The following ATXN8OS variants were observed in gnomAD, a reference collection of about 807,000 sequenced individuals.
ATXN8OS encodes the protein ATXN8 opposite strand (non-protein coding).
At chr13:70,112,920 A>ATATATATATATT (rs1555298511) in intron 1 of ATXN8OS, among the ~76,000 whole-genome samples, 14 of 87,588 alleles carry the variant, frequency 1.6e-4, no homozygotes, top group East Asian at 4.1e-4. Context: ...TATATATATA[A>ATATATATATATT]TTTTTTTTTT....
At chr13:70,112,640 C>T (rs1243194017) in intron 1 of ATXN8OS, among the ~76,000 whole-genome samples, 1 of 151,922 alleles carries the variant, frequency 6.6e-6, no homozygotes, top group Non-Finnish European at 1.5e-5. Flanking sequence ...CACTCAACCT[C>T]CTTGGTTTAT....
rs559225854 is a variant in ATXN8OS at position 70,137,608 on chromosome 13, A to C, written n.499+7724A>C. ...TATTATAGATAATTTACATTTCTAA[A>C]TGCATCTCTAATTCCAAAATGAAGA... On this transcript the variant is annotated intron_variant and non_coding_transcript_variant, in intron 3 of 4. Transcript: ENST00000678624. Among the ~76,000 whole-genome samples the C allele has an allele frequency of 1.4e-3, 216 of 152,298 alleles. 1 individual carries two copies. The highest frequency in any genetic ancestry group is 2.6e-3 in the Non-Finnish European group (179 of 68,022).
At chr13:70,118,212 T>G (rs192688480) in intron 2 of ATXN8OS, among the ~76,000 whole-genome samples, 1 of 152,210 alleles carries the variant, frequency 6.6e-6, no homozygotes, top group East Asian at 1.9e-4. Flanking sequence ...TAATGAGAAG[T>G]TAATGAATAA....
At chr13:70,126,458 G>T (rs184128279) in intron 2 of ATXN8OS, among the ~76,000 whole-genome samples, 249 of 152,050 alleles carry the variant, frequency 1.6e-3, no homozygotes, top group Non-Finnish European at 3.3e-3. Context: ...TATAAATTAG[G>T]CTAAGTTGTG....
chr13:70,119,767 T>G (rs941277159), intron 2 of ATXN8OS, among the ~76,000 whole-genome samples: 1 of 152,096 alleles, frequency 6.6e-6, no homozygotes, highest in Admixed American at 6.6e-5. Flanking sequence ...TCAAACCTTT[T>G]TGTCATGCTC....
At chr13:70,143,857 T>C (rs1000187780) in intron 3 of ATXN8OS, among the ~76,000 whole-genome samples, 5 of 152,150 alleles carry the variant, frequency 3.3e-5, no homozygotes, top group African/African-American at 1.2e-4. Flanking sequence ...ACAAAGTGTG[T>C]TGACATGGAA....
chr13:70,113,191 A>G (rs1007839125), intron 1 of ATXN8OS, among the ~76,000 whole-genome samples: 1 of 151,962 alleles, frequency 6.6e-6, no homozygotes, highest in Admixed American at 6.6e-5. Flanking sequence ...AAGTGCTGGG[A>G]TTACAGGCAT....
intron 3 of ATXN8OS, among the ~76,000 whole-genome samples, chr13:70,138,435 A>ATT (rs1888650244): frequency 6.6e-6 from 1 of 152,146 alleles, no homozygotes; most frequent in Non-Finnish European, 1.5e-5. Flanking sequence ...AAATTTTAAA[A>ATT]TGCAAAAAAT....
rs146022591 is a variant in ATXN8OS at position 70,115,372 on chromosome 13, G to A, written n.398+74G>A. 2.0e-3 allele frequency: 786 copies of A among 397,022 alleles called. 6 individuals carry two copies. In the Middle Eastern group the frequency reaches 0.02, roughly 10 times the overall value. 24.6% of individuals were successfully genotyped at this position (397,022 alleles called of 1,614,324 possible). ...TCATGACAGAAACACCTCCCAAAAG[G>A]CTCACTTCCCAACACTGTGGCATTA... On this transcript the variant is annotated intron_variant and non_coding_transcript_variant, in intron 2 of 4. Transcript: ENST00000678624.
intron 4 of ATXN8OS, among the ~76,000 whole-genome samples, chr13:70,162,649 A>C (rs2137505680): frequency 6.6e-6 from 1 of 152,084 alleles, no homozygotes; most frequent in South Asian, 2.1e-4. Flanking sequence ...GATATAAGAA[A>C]CTGTGGAAGG....
At chr13:70,164,306 T>C (rs1412341273) in intron 4 of ATXN8OS, among the ~76,000 whole-genome samples, 1 of 151,714 alleles carries the variant, frequency 6.6e-6, no homozygotes, top group Non-Finnish European at 1.5e-5. Flanking sequence ...TCACTCTTTT[T>C]ATCCCTCTCC....
At chr13:70,128,902 C>T (rs1336147583) in intron 2 of ATXN8OS, among the ~76,000 whole-genome samples, 2 of 151,624 alleles carry the variant, frequency 1.3e-5, no homozygotes, top group Non-Finnish European at 2.9e-5. Flanking sequence ...CTCTTGTTGC[C>T]CACACTGGAG....
intron 3 of ATXN8OS, among the ~76,000 whole-genome samples, chr13:70,135,976 C>T (rs1392708902): frequency 1.3e-5 from 2 of 152,230 alleles, no homozygotes; most frequent in African/African-American, 4.8e-5. Flanking sequence ...TTAGGCCGCA[C>T]TCTAAAACAG....
intron 3 of ATXN8OS, among the ~76,000 whole-genome samples, chr13:70,146,928 T>TA (rs754723988): frequency 2.0e-5 from 3 of 152,084 alleles, no homozygotes; most frequent in Admixed American, 1.3e-4. Flanking sequence ...AATGAAATTT[T>TA]AAAAAAAGTG....
At chr13:70,152,044 T>C (rs1266213699) in intron 4 of ATXN8OS, among the ~76,000 whole-genome samples, 1 of 152,128 alleles carries the variant, frequency 6.6e-6, no homozygotes, top group East Asian at 1.9e-4. Flanking sequence ...CTTACCTGTT[T>C]CCGTCCTGTC....
intron 3 of ATXN8OS, among the ~76,000 whole-genome samples, chr13:70,145,730 C>A (rs1244726945): frequency 3.3e-5 from 5 of 151,942 alleles, no homozygotes; most frequent in African/African-American, 7.3e-5. Flanking sequence ...GAAGTTGCTT[C>A]TCAGCTTAAG....
chr13:70,139,115 A>T, intron 3 of ATXN8OS: 1 of 404,846 alleles, frequency 2.5e-6, no homozygotes, highest in Non-Finnish European at 4.4e-6. Context: ...TAATACCTTT[A>T]GGTTTTTCCT....
At chr13:70,165,625 A>G (rs1443484601) in intron 4 of ATXN8OS, among the ~76,000 whole-genome samples, 1 of 152,018 alleles carries the variant, frequency 6.6e-6, no homozygotes, top group African/African-American at 2.4e-5. Context: ...AATCATACAT[A>G]TGAGGAAAAA....
intron 4 of ATXN8OS, among the ~76,000 whole-genome samples, chr13:70,150,535 AC>A (rs1392900846): frequency 6.6e-6 from 1 of 152,000 alleles, no homozygotes; most frequent in African/African-American, 2.4e-5. Flanking sequence ...AATGATGTAG[AC>A]CCAGCTCCCA....
Sources: allele counts gnomAD v4.1 joint callset (sites outside exome capture counted in the v4.1 genomes callset), GRCh38; gene constraint gnomAD v4.1.1; transcripts MANE v1.5; gene names NCBI Gene and HGNC (gene_info 2026-07-23, HGNC 2026-07-21).